Variants in DEPDC1 observed in about 807,000 individuals in gnomAD.
DEPDC1 encodes the protein DEP domain containing 1.
A neutral mutation model predicts 86.8 loss-of-function variants in DEPDC1; 66 were observed. The observed-to-expected ratio is 0.76, with a 90% confidence interval of 0.62 to 0.93. The LOEUF (loss-of-function observed/expected upper bound fraction) is 0.93, where lower values mean the gene tolerates loss of function less well. Ranked by LOEUF, DEPDC1 falls within the 40% of genes least tolerant of loss-of-function variation. The pLI, the probability that DEPDC1 is intolerant of heterozygous loss-of-function variation, is 0.00. For missense variants in DEPDC1, 792 were observed against 935.7 expected, an observed-to-expected ratio of 0.85 and a Z score of 2.00; for synonymous variants, 255 against 314.9, an observed-to-expected ratio of 0.81 and a Z score of 2.02.
intron 2 of DEPDC1, among the ~76,000 whole-genome samples, chr1:68,491,583 T>A (rs1054622854): frequency 2.0e-5 from 3 of 152,088 alleles, no homozygotes; most frequent in Non-Finnish European, 4.4e-5. Context: ...AAATAACTCC[T>A]TTTTTAAAAA....
chr1:68,487,121 T>C, intron 5 of DEPDC1, 137 bp from the exon 6 acceptor site: 1 of 635,534 alleles, frequency 1.6e-6, no homozygotes, highest in Non-Finnish European at 2.4e-6. Context: ...ATGTGTGTAT[T>C]ACCAGGATTA....
At chr1:68,479,587 G>C (rs1646139938) in intron 9 of DEPDC1, among the ~76,000 whole-genome samples, 1 of 151,956 alleles carries the variant, frequency 6.6e-6, no homozygotes, top group African/African-American at 2.4e-5. Flanking sequence ...AGGCTCACTT[G>C]AGGCAAGGAG....
At position 68,482,734 on chromosome 1, in the gene DEPDC1, T is replaced by C; in HGVS notation, c.1074A>G (p.Glu358=). The stretch of plus-strand genomic sequence containing the variant: ...TCTGTAGTCTCTCAGTAGAATCTGA[T>C]TCTTCTTTGTTTTTTTCTCTATGAA... ...SLLHREKNKE[E]SDSTERLQIS... The change falls in exon 8 of 12, where the codon GAA becomes GAG. Residue 358 remains glutamate, a synonymous_variant. Transcript: ENST00000456315. 1 of 1,612,584 alleles carries C rather than the reference T, an allele frequency of 6.2e-7. No individual in the cohort carries two copies. The highest frequency in any genetic ancestry group is 8.5e-7 in the Non-Finnish European group (1 of 1,179,214).
chr1:68,479,097 A>G, intron 10 of DEPDC1, 47 bp downstream of exon 10: 3 of 1,500,188 alleles, frequency 2.0e-6, no homozygotes, highest in Non-Finnish European at 2.7e-6. Context: ...TGAGTTTGCC[A>G]CTTGCAACTG....
chr1:68,494,020 A>C (rs1481664376), intron 2 of DEPDC1, among the ~76,000 whole-genome samples: 1 of 152,102 alleles, frequency 6.6e-6, no homozygotes, highest in Non-Finnish European at 1.5e-5. Flanking sequence ...TCTGTTATTT[A>C]TTATGTAAGA....
At position 68,481,632 on chromosome 1, in the gene DEPDC1, C is replaced by T. The variant is rs760003345; in HGVS notation, c.1763-20G>A. ...GCAAGCCTAGAATACAAAAATACCCCCCCAAAAATCATCAATGACACTAGT... is the reference window on the plus strand; with the variant it reads ...GCAAGCCTAGAATACAAAAATACCCTCCCAAAAATCATCAATGACACTAGT... On this transcript the variant is annotated intron_variant, in intron 8 of 11. Transcript: ENST00000456315. The T allele has an allele frequency of 1.4e-6, 2 of 1,467,596 alleles. No homozygotes were observed. The highest frequency in any genetic ancestry group is 1.2e-5 in the South Asian group (1 of 82,514). The allele number at this position is 1,467,596 out of a possible 1,614,324, so 90.9% of individuals were successfully genotyped here.
Position 68,488,453 on chromosome 1 carries a change from T to C in DEPDC1, c.642A>G (p.Lys214=), listed in dbSNP as rs749838310. The change falls in exon 5 of 12, where the codon AAA becomes AAG. Residue 214 remains lysine, a synonymous_variant. Transcript: ENST00000456315. ...ACATTATATATTGGGGAATTACTTGTTTTGGATTTATGACTTCTTCTAGGG... is the reference window on the plus strand; with the variant it reads ...ACATTATATATTGGGGAATTACTTGCTTTGGATTTATGACTTCTTCTAGGG... ...VPSLEEVINP[K]QVIPQYIMYN... is the part of the protein sequence containing the mutation. 3 of 1,607,580 alleles carry C rather than the reference T, an allele frequency of 1.9e-6. No individual in the cohort carries two copies. Among genetic ancestry groups the C allele is most frequent in the South Asian group, 2.2e-5 (2 of 90,042 alleles).
Position 68,489,555 on chromosome 1 carries a change from C to T in DEPDC1, c.368G>A (p.Arg123Lys). 1 of 1,538,440 alleles carries T rather than the reference C, an allele frequency of 6.5e-7. No homozygotes were observed. Among genetic ancestry groups the T allele is most frequent in the Non-Finnish European group, 8.7e-7 (1 of 1,153,208 alleles). ...GGAAAAGTTCTCTATGTTGTTTTTT[C>T]TCAATTCTGGATACCTTCGTGGTAG... ...KTLPRRYPEL[R>K]KNNIENFSKD... Residue 123 changes from arginine (R) to lysine (K), a missense_variant, in exon 3 of 12, where the codon AGA (arginine) becomes AAA (lysine). By Grantham distance (26) the Arg-to-Lys change is conservative. Coordinates refer to ENST00000456315, the MANE Select transcript of DEPDC1 (RefSeq NM_001114120.3).
At chr1:68,491,252 C>T (rs555449528) in intron 2 of DEPDC1, among the ~76,000 whole-genome samples, 20 of 152,048 alleles carry the variant, frequency 1.3e-4, no homozygotes, top group Non-Finnish European at 2.2e-4. Flanking sequence ...GACAACCTAT[C>T]GAATGGGAGA....
intron 5 of DEPDC1, 36 bp from the exon 6 acceptor site, chr1:68,487,020 A>ACATTT (rs1415006412): frequency 6.4e-7 from 1 of 1,573,968 alleles, no homozygotes; most frequent in Non-Finnish European, 8.6e-7. Flanking sequence ...AGTAAACCAT[A>ACATTT]CATTTTTTAT....
Position 68,483,956 on chromosome 1 carries a change from T to G in DEPDC1, c.904A>C (p.Ile302Leu). ...TFEYYELFVN[I>L]LVVCGYITVS... ...CAGTAAAATCTATACATACCCAAAATGTTTACAAATAATTCGTAATATTCA... is the reference window on the plus strand; with the variant it reads ...CAGTAAAATCTATACATACCCAAAAGGTTTACAAATAATTCGTAATATTCA... Residue 302 changes from isoleucine to leucine, a missense_variant, in exon 7 of 12, where the codon ATT becomes CTT. Ile to Leu is a conservative substitution (Grantham distance 5, BLOSUM62 2). Transcript: ENST00000456315. The G allele has an allele frequency of 6.6e-7, 1 of 1,504,828 alleles. No individual in the cohort carries two copies. Among genetic ancestry groups the G allele is most frequent in the African/African-American group, 1.4e-5 (1 of 70,280 alleles). The allele number at this position is 1,504,828 out of a possible 1,614,324, so 93.2% of individuals were successfully genotyped here.
chr1:68,496,217 A>C lies in DEPDC1; in HGVS notation c.48+735T>G, dbSNP rs1646264032. Among the ~76,000 whole-genome samples, 1 of 152,212 alleles carries C rather than the reference A, an allele frequency of 6.6e-6. No individual in the cohort carries two copies. The highest frequency in any genetic ancestry group is 2.4e-5 in the African/African-American group (1 of 41,452). ...TTCTGCAGATCACAACACACTTTAA[A>C]AAACAGCATCCTCCTGGGAAACCCC... is the stretch of plus-strand genomic sequence containing the variant. On this transcript the variant is annotated intron_variant, in intron 1 of 11. Transcript: ENST00000456315. The surrounding 1 kb of genome is among the most constrained non-coding windows in gnomAD (Gnocchi z 4.0).
chr1:68,482,708 A>G lies in DEPDC1; in HGVS notation c.1100T>C (p.Ile367Thr), dbSNP rs369401758. 3.8e-5 allele frequency: 62 copies of G among 1,612,370 alleles called. No individual in the cohort carries two copies. Among genetic ancestry groups the G allele is most frequent in the Non-Finnish European group, 4.9e-5 (58 of 1,179,220 alleles). Residue 367 changes from isoleucine to threonine, a missense_variant, in exon 8 of 12, where the codon ATA becomes ACA. Ile to Thr is a moderately conservative substitution (Grantham distance 89). Coordinates refer to ENST00000456315, the MANE Select transcript of DEPDC1 (RefSeq NM_001114120.3). The part of the protein sequence containing the change: ...EESDSTERLQ[I>T]SNPGFQERCA... The stretch of plus-strand genomic sequence containing the variant: ...TCTTTCTTGAAATCCTGGATTGCTT[A>G]TCTGTAGTCTCTCAGTAGAATCTGA...
Position 68,497,043 on chromosome 1 carries a change from A to ACTCAGGCC in DEPDC1, c.-52_-45dup. The stretch of plus-strand genomic sequence containing the variant: ...TGGCGTCCATGGCGGCGAAGGCGAC[A>ACTCAGGCC]CTCAGGCCCAGCGGCCGCGGCAGTG... On this transcript the variant is annotated 5_prime_UTR_variant, in exon 1 of 12. Coordinates refer to ENST00000456315, the MANE Select transcript of DEPDC1 (RefSeq NM_001114120.3). 1 of 1,604,368 alleles carries ACTCAGGCC rather than the reference A, an allele frequency of 6.2e-7. No individual in the cohort carries two copies. The highest frequency in any genetic ancestry group is 8.5e-7 in the Non-Finnish European group (1 of 1,173,694).
intron 6 of DEPDC1, among the ~76,000 whole-genome samples, chr1:68,485,850 T>C (rs1253166637): frequency 4.6e-5 from 7 of 152,082 alleles, no homozygotes; most frequent in Non-Finnish European, 8.8e-5. Context: ...CAAAGGAATA[T>C]AAAGTTACCC....
intron 3 of DEPDC1, 77 bp downstream of exon 3, chr1:68,489,375 A>C (rs72674354): frequency 0.054 from 56,455 of 1,045,852 alleles, 2,157 homozygotes; most frequent in African/African-American, 0.18. Flanking sequence ...ATTAAAGAAT[A>C]ATTTACTTTT....
At chr1:68,481,878 G>T in intron 8 of DEPDC1, 168 bp downstream of exon 8, 1 of 714,162 alleles carries the variant, frequency 1.4e-6, no homozygotes. Flanking sequence ...AGTTCCTTAG[G>T]TAAACAGAAT....
At position 68,482,057 on chromosome 1, in the gene DEPDC1, G is replaced by C; in HGVS notation, c.1751C>G (p.Thr584Ser). ...AGCAACAGCCTTACTTTGTGTGCCA[G>C]TCAACATAGAAGAAGCTGGAAGTAA... The part of the protein sequence containing the change: ...NSLLPASSML[T>S]GTQSLLQPHL... The change falls in exon 8 of 12, where the codon ACT becomes AGT. Residue 584 changes from threonine (T) to serine (S), a missense_variant. Transcript: ENST00000456315. 5 of 1,590,396 alleles carry C rather than the reference G, an allele frequency of 3.1e-6. No individual in the cohort carries two copies. The highest frequency in any genetic ancestry group is 4.3e-6 in the Non-Finnish European group (5 of 1,170,930).
chr1:68,479,153 T>C lies in DEPDC1; in HGVS notation c.2103A>G (p.Lys701=). 6.2e-7 allele frequency: 1 copy of C among 1,607,994 alleles called. No homozygotes were observed. The highest frequency in any genetic ancestry group is 8.5e-7 in the Non-Finnish European group (1 of 1,177,816). ...TAVEKHLDYL[K]KGHIENPGDG... ...GACTCACAATACTTACATGTCCCTTTTTTAAGTAGTCAAGATGTTTTTCCA... is the reference window on the plus strand; with the variant it reads ...GACTCACAATACTTACATGTCCCTTCTTTAAGTAGTCAAGATGTTTTTCCA... Residue 701 remains lysine, a synonymous_variant, in exon 10 of 12, where the codon AAA becomes AAG. Coordinates refer to ENST00000456315, the MANE Select transcript of DEPDC1 (RefSeq NM_001114120.3).
Sources: gnomAD v4.1 joint callset for allele counts (sites outside exome capture counted in the v4.1 genomes callset) on GRCh38, gnomAD v4.1.1 for gene constraint, Gnocchi (gnomAD v3.1) non-coding constraint, MANE v1.5 for transcripts, NCBI Gene and HGNC (gene_info 2026-07-23, HGNC 2026-07-21) for gene names.